Variants in ARNT2 observed in about 807,000 individuals in gnomAD.
The protein encoded by ARNT2 is ARNT protein 2.
In ARNT2, 36 loss-of-function variants were observed where a neutral mutation model predicts 91.7. That is an observed-to-expected ratio of 0.39 (90% confidence interval 0.30 to 0.52). ARNT2 has a LOEUF of 0.52. ARNT2 is among the 20% of genes least tolerant of loss of function. The probability of loss-of-function intolerance (pLI) is 0.72; values close to 1 mark genes in which losing one functional copy is unlikely to be tolerated. For synonymous variants in ARNT2, 365 were observed against 347.1 expected, an observed-to-expected ratio of 1.05 and a Z score of -0.57; for missense variants, 775 against 939.3, an observed-to-expected ratio of 0.83 and a Z score of 2.29.
At chr15:80,548,746 A>C (rs1898031229) in intron 8 of ARNT2, among the ~76,000 whole-genome samples, 1 of 152,190 alleles carries the variant, frequency 6.6e-6, no homozygotes, top group Admixed American at 6.5e-5. Flanking sequence ...CCTGAAAGAC[A>C]CAAAAGTAGG....
chr15:80,495,230 C>G (rs1897110604), intron 5 of ARNT2, among the ~76,000 whole-genome samples: 1 of 152,210 alleles, frequency 6.6e-6, no homozygotes, highest in African/African-American at 2.4e-5. Context: ...TTCTTACTAT[C>G]TGAAAACAGT....
chr15:80,474,636 T>C (rs1039541930), intron 4 of ARNT2, among the ~76,000 whole-genome samples: 1 of 152,172 alleles, frequency 6.6e-6, no homozygotes, highest in East Asian at 1.9e-4. Context: ...GCACTATGTG[T>C]TGGGCCCTTC....
At chr15:80,457,006 C>T (rs954584908) in intron 2 of ARNT2, among the ~76,000 whole-genome samples, 8 of 152,210 alleles carry the variant, frequency 5.3e-5, no homozygotes, top group East Asian at 1.9e-4. Context: ...GCTCCACTCA[C>T]GTGGATGTCC....
rs200435715 is a variant in ARNT2, at chr15:80,580,465, G to A, written c.1668G>A (p.Thr556=). The change falls in exon 16 of 19, where the codon ACG becomes ACA. Residue 556 remains threonine, a synonymous_variant. Transcript: ENST00000303329. ...ATGATATTCAGTCCTCTTCTTCCAC[G>A]GGCCAGAACATGTCCCAAATCTCCC... The part of the protein sequence containing the change: ...GVNDIQSSSS[T]GQNMSQISRQ... 4.3e-6 allele frequency: 7 copies of A among 1,614,062 alleles called. No homozygotes were observed. Among genetic ancestry groups the A allele is most frequent in the African/African-American group, 1.3e-5 (1 of 74,978 alleles).
rs573848070 is a variant in ARNT2 at position 80,442,069 on chromosome 15, G to A, written c.32-8811G>A. ...GAGCAGAGATCTAGACAAGAGCGTTGCATTTGAGTGGGGGAATAACTCTCG... is the reference window on the plus strand; with the variant it reads ...GAGCAGAGATCTAGACAAGAGCGTTACATTTGAGTGGGGGAATAACTCTCG... On this transcript the variant is annotated intron_variant, in intron 1 of 18. Transcript: ENST00000303329. 2.0e-5 allele frequency among the ~76,000 whole-genome samples: 3 copies of A among 152,322 alleles called. No homozygotes were observed. In the East Asian group the frequency reaches 5.8e-4, roughly 29 times the overall value.
At chr15:80,459,512 A>C (rs779027642) in intron 3 of ARNT2, among the ~76,000 whole-genome samples, 1 of 152,204 alleles carries the variant, frequency 6.6e-6, no homozygotes, top group African/African-American at 2.4e-5. Context: ...ATAACATTCC[A>C]TAGCATGCTA....
chr15:80,539,720 G>C (rs190629679), intron 8 of ARNT2, among the ~76,000 whole-genome samples: 1 of 152,092 alleles, frequency 6.6e-6, no homozygotes, highest in African/African-American at 2.4e-5. Flanking sequence ...TCTATTCAAA[G>C]ATTGAGTATG....
At chr15:80,408,281 C>CA (rs1483565041) in intron 1 of ARNT2, among the ~76,000 whole-genome samples, 1 of 152,152 alleles carries the variant, frequency 6.6e-6, no homozygotes, top group Non-Finnish European at 1.5e-5. Flanking sequence ...TTCTTGACCT[C>CA]AGGGGGTTCT....
chr15:80,492,045 T>TTTCC (rs1428567910), intron 5 of ARNT2, among the ~76,000 whole-genome samples: 5 of 152,084 alleles, frequency 3.3e-5, no homozygotes, highest in Admixed American at 2.0e-4. Context: ...TCTTTCTTTC[T>TTTCC]TTCTTTTTTT....
Position 80,459,480 on chromosome 15 carries a change from C to T in ARNT2, c.194+1504C>T, listed in dbSNP as rs1351300744. On this transcript the variant is annotated intron_variant, in intron 3 of 18. Coordinates refer to ENST00000303329, the MANE Select transcript of ARNT2 (RefSeq NM_014862.4). Reference sequence around the variant, plus strand: ...TGAAGGAACAATGACTTTGGTTCCTCCGTGTCAAAATTCCCCTTGAGATAA... The same window carrying T: ...TGAAGGAACAATGACTTTGGTTCCTTCGTGTCAAAATTCCCCTTGAGATAA... 3.9e-5 allele frequency among the ~76,000 whole-genome samples: 6 copies of T among 152,274 alleles called. No homozygotes were observed. The East Asian group carries it at 1.2e-3, about 29-fold the overall frequency.
chr15:80,419,732 G>T (rs1376076858), intron 1 of ARNT2, among the ~76,000 whole-genome samples: 1 of 152,184 alleles, frequency 6.6e-6, no homozygotes, highest in Non-Finnish European at 1.5e-5. Flanking sequence ...CTCTCATGTG[G>T]CAGGGTCCTG....
At position 80,573,920 on chromosome 15, in the gene ARNT2, G is replaced by A. The variant is rs930261694; in HGVS notation, c.1317-228G>A. 11 of 536,000 alleles carry A rather than the reference G, an allele frequency of 2.1e-5. 1 individual carries two copies. Among genetic ancestry groups the A allele is most frequent in the Middle Eastern group, 3.0e-4 (1 of 3,326 alleles). The allele number at this position is 536,000 out of a possible 1,614,324, so 33.2% of individuals were successfully genotyped here. A position where few individuals can be genotyped will look rare whatever the true frequency, so the allele number is the denominator to read the frequency against. ...GACCCTGCATAAAATGAAGTCACAC[G>A]TCAAAATTGGTTTCTTAAATAGTTG... On this transcript the variant is annotated intron_variant, in intron 12 of 18. Transcript: ENST00000303329.
intron 8 of ARNT2, among the ~76,000 whole-genome samples, chr15:80,535,444 A>G (rs369976919): frequency 9.2e-5 from 14 of 152,268 alleles, no homozygotes; most frequent in African/African-American, 3.4e-4. Flanking sequence ...TGCCAGTCTG[A>G]TAGTTTGTGG....
At chr15:80,541,386 T>C (rs1036940475) in intron 8 of ARNT2, among the ~76,000 whole-genome samples, 9 of 152,240 alleles carry the variant, frequency 5.9e-5, no homozygotes, top group African/African-American at 1.9e-4. Flanking sequence ...TTCTGGGTCT[T>C]AGACCTTTTT....
chr15:80,489,937 G>A (rs561993671), intron 5 of ARNT2, among the ~76,000 whole-genome samples: 27 of 152,306 alleles, frequency 1.8e-4, no homozygotes, highest in African/African-American at 6.3e-4. Context: ...CCTCATCAGT[G>A]TTGGTGTGAG....
intron 3 of ARNT2, 80 bp downstream of exon 3, chr15:80,458,056 C>A: frequency 6.8e-7 from 1 of 1,476,736 alleles, no homozygotes; most frequent in African/African-American, 1.4e-5. Context: ...AATGTAACGT[C>A]TTTTGTCATT....
At chr15:80,469,730 T>C (rs1896707118) in intron 3 of ARNT2, among the ~76,000 whole-genome samples, 1 of 152,144 alleles carries the variant, frequency 6.6e-6, no homozygotes, top group South Asian at 2.1e-4. Context: ...TTCTTGTGCT[T>C]CAGCCTCCCA....
intron 11 of ARNT2, chr15:80,556,618 T>A (rs1371455822): frequency 6.6e-6 from 1 of 152,528 alleles, no homozygotes; most frequent in Non-Finnish European, 1.5e-5. Flanking sequence ...GCCACCTGAG[T>A]AACAGTGTCA....
chr15:80,562,231 C>G (rs1055499638), intron 11 of ARNT2, among the ~76,000 whole-genome samples: 1 of 152,048 alleles, frequency 6.6e-6, no homozygotes, highest in African/African-American at 2.4e-5. Flanking sequence ...TGGGGCCTGG[C>G]TGGTTTTCGT....
Sources: gnomAD v4.1 joint callset for allele counts (sites outside exome capture counted in the v4.1 genomes callset) on GRCh38, gnomAD v4.1.1 for gene constraint, MANE v1.5 for transcripts, NCBI Gene and HGNC (gene_info 2026-07-23, HGNC 2026-07-21) for gene names.